Variants in MPP4 observed in about 807,000 individuals in gnomAD.
MPP4 encodes the protein MAGUK p55 scaffold protein 4.
Under a neutral mutation model 98.3 loss-of-function variants are expected in MPP4, and 91 were observed. The observed-to-expected ratio is 0.93, with a 90% confidence interval of 0.78 to 1.10. The LOEUF is 1.10. Among genes scored for constraint, MPP4 ranks in the 50% least tolerant of loss-of-function variants. MPP4 has a pLI of 0.00. For missense variants in MPP4, 744 were observed against 792.9 expected, an observed-to-expected ratio of 0.94 and a Z score of 0.74; for synonymous variants, 261 against 271.8, an observed-to-expected ratio of 0.96 and a Z score of 0.39.
chr2:201,668,950 C>A (rs1407258014), intron 12 of MPP4, among the ~76,000 whole-genome samples: 1 of 152,134 alleles, frequency 6.6e-6, no homozygotes, highest in Non-Finnish European at 1.5e-5. Context: ...CAGATTGGAG[C>A]CTTGTTCCCA....
chr2:201,683,532 T>G (rs1372418703), intron 7 of MPP4, among the ~76,000 whole-genome samples: 1 of 152,134 alleles, frequency 6.6e-6, no homozygotes, highest in Non-Finnish European at 1.5e-5. Context: ...GTGGACCACT[T>G]GAGGCCAGAA....
In MPP4 at chr2:201,665,350, A is replaced by G. The variant is rs372314311; in HGVS notation, c.1051+984T>C. Reference sequence around the variant, plus strand: ...CTCCCAAAGTGCTGGGATTACAGGCATGAGCCACCACGCCCGGCCACATCA... The same window carrying G: ...CTCCCAAAGTGCTGGGATTACAGGCGTGAGCCACCACGCCCGGCCACATCA... On this transcript the variant is annotated intron_variant, in intron 13 of 21. Coordinates refer to ENST00000409474, the MANE Select transcript of MPP4 (RefSeq NM_033066.3). The G allele has an allele frequency of 6.1e-3, 927 of 152,322 alleles. 6 individuals are homozygous for G. The highest frequency in any genetic ancestry group is 8.8e-3 in the Non-Finnish European group (599 of 68,124). 9.4% of individuals were successfully genotyped at this position (152,322 alleles called of 1,614,324 possible). A position where few individuals can be genotyped will look rare whatever the true frequency, so the allele number is the denominator to read the frequency against.
rs756651769 is a variant in MPP4, at chr2:201,645,402, A to G, written c.1722T>C (p.Asp574=). ...AATTTTCCATCTCTTGTAGGTCTTC[A>G]TCCTTTAGGAGAAATAGAAAAATAT... ...TDYYVDMKFK[D]EDLQEMENLA... The change falls in exon 22 of 22, where the codon GAT becomes GAC. Residue 574 remains aspartate (D), a splice_region_variant and synonymous_variant. Transcript: ENST00000409474. 8 of 1,613,598 alleles carry G rather than the reference A, an allele frequency of 5.0e-6. No homozygotes were observed. The African/African-American group carries it at 9.3e-5, about 19-fold the overall frequency.
chr2:201,665,220 C>T (rs1488967840), intron 13 of MPP4: 3 of 152,330 alleles, frequency 2.0e-5, no homozygotes, highest in Non-Finnish European at 4.4e-5. Flanking sequence ...CGCCCGCCAC[C>T]ACGCCTGGCT....
At chr2:201,663,427 ATT>A (rs952446181) in intron 14 of MPP4, among the ~76,000 whole-genome samples, 2 of 152,308 alleles carry the variant, frequency 1.3e-5, no homozygotes, top group African/African-American at 4.8e-5. Context: ...CTGTTGCTGT[ATT>A]TTTTAAAATA....
chr2:201,682,855 G>C lies in MPP4; in HGVS notation c.636C>G (p.Asp212Glu), dbSNP rs1574630381. Reference sequence around the variant, plus strand: ...CCAGAATATGGATCACTTGTTCAGGGTCCAGTCCCTCAACTGAAACTCCAT... The same window carrying C: ...CCAGAATATGGATCACTTGTTCAGGCTCCAGTCCCTCAACTGAAACTCCAT... The part of the protein sequence containing the change: ...EVNGVSVEGL[D>E]PEQVIHILAM... The change falls in exon 8 of 22, where the codon GAC becomes GAG. Residue 212 changes from aspartate to glutamate, a missense_variant. Transcript: ENST00000409474. 2 of 1,613,906 alleles carry C rather than the reference G, an allele frequency of 1.2e-6. No individual in the cohort carries two copies. Among genetic ancestry groups the C allele is most frequent in the East Asian group, 4.5e-5 (2 of 44,882 alleles).
At chr2:201,674,176 T>C (rs890124602) in intron 11 of MPP4, among the ~76,000 whole-genome samples, 2 of 152,232 alleles carry the variant, frequency 1.3e-5, no homozygotes, top group Admixed American at 1.3e-4. Context: ...GTCCTCTAAG[T>C]TGATAGAACC....
chr2:201,687,392 C>T (rs1024262801), intron 4 of MPP4, 21 bp from the exon 5 acceptor site: 1 of 1,547,956 alleles, frequency 6.5e-7, no homozygotes. Context: ...GAAAAGGATA[C>T]ATTATAAAAA....
chr2:201,677,542 A>C (rs77978392), intron 10 of MPP4, among the ~76,000 whole-genome samples: 4,739 of 151,770 alleles, frequency 0.031, 113 homozygotes, highest in Middle Eastern at 0.051. Flanking sequence ...CCAAAACAAA[A>C]CCCCCCCAGC....
At chr2:201,673,164 ACACCCC>A (rs1688392157) in intron 11 of MPP4, among the ~76,000 whole-genome samples, 1 of 152,200 alleles carries the variant, frequency 6.6e-6, no homozygotes, top group Non-Finnish European at 1.5e-5. Context: ...ATAAAATTCA[ACACCCC>A]CTCATGCTAA....
chr2:201,675,927 G>C (rs1214399023), intron 10 of MPP4, among the ~76,000 whole-genome samples: 2 of 152,184 alleles, frequency 1.3e-5, no homozygotes, highest in Non-Finnish European at 2.9e-5. Context: ...TCTGTTCTTT[G>C]TATTCCCAGA....
intron 5 of MPP4, 60 bp from the exon 6 acceptor site, chr2:201,686,110 G>T: frequency 6.3e-7 from 1 of 1,583,876 alleles, no homozygotes; most frequent in Non-Finnish European, 8.6e-7. Flanking sequence ...CCCTCTAGAA[G>T]ATAGTAACTC....
chr2:201,673,756 TA>T lies in MPP4; in HGVS notation c.994+1450del, dbSNP rs1193130879. Among the ~76,000 whole-genome samples, 14 of 152,236 alleles carry T rather than the reference TA, an allele frequency of 9.2e-5. No homozygotes were observed. In the East Asian group the frequency reaches 1.9e-3, roughly 21 times the overall value. Reference sequence around the variant, plus strand: ...TCCTCACATCTTTTCAATAAGAAAATAAAAGGAAAAGTAATTTTTGGCTTGG... The same window carrying T: ...TCCTCACATCTTTTCAATAAGAAAATAAAGGAAAAGTAATTTTTGGCTTGG... On this transcript the variant is annotated intron_variant, in intron 11 of 21. Coordinates refer to ENST00000409474, the MANE Select transcript of MPP4 (RefSeq NM_033066.3).
chr2:201,682,821 G>A lies in MPP4; in HGVS notation c.660+10C>T. 1 of 1,612,878 alleles carries A rather than the reference G, an allele frequency of 6.2e-7. No homozygotes were observed. The highest frequency in any genetic ancestry group is 8.5e-7 in the Non-Finnish European group (1 of 1,179,012). Reference sequence around the variant, plus strand: ...CAAGTCATTAACAAAAAGGCAAAAAGAAGATTTACCAGAATATGGATCACT... The same window carrying A: ...CAAGTCATTAACAAAAAGGCAAAAAAAAGATTTACCAGAATATGGATCACT... On this transcript the variant is annotated intron_variant, in intron 8 of 21. Coordinates refer to ENST00000409474, the MANE Select transcript of MPP4 (RefSeq NM_033066.3).
intron 14 of MPP4, chr2:201,661,918 G>T (rs1258935139): frequency 3.0e-6 from 1 of 333,126 alleles, no homozygotes; most frequent in Admixed American, 4.0e-5. Context: ...AGAAGGATGA[G>T]AATAAGCTAG....
intron 14 of MPP4, chr2:201,661,393 G>A (rs769551437): frequency 2.2e-6 from 1 of 456,396 alleles, no homozygotes; most frequent in Admixed American, 2.3e-5. Flanking sequence ...ATCATGGAAT[G>A]AATGCCAAGG....
Position 201,694,014 on chromosome 2 carries a change from C to T in MPP4, c.-60G>A, listed in dbSNP as rs371620612. ...CTAGGAAGCGGGTCAATACACGGCA[C>T]ACAGCTCACTCAGTCCCACTGGCCA... On this transcript the variant is annotated 5_prime_UTR_variant, in exon 2 of 22. The change creates a new upstream start codon in the 5' untranslated region. Coordinates refer to ENST00000409474, the MANE Select transcript of MPP4 (RefSeq NM_033066.3). The T allele has an allele frequency of 1.9e-4, 308 of 1,613,344 alleles. 1 individual carries two copies. The highest frequency in any genetic ancestry group is 3.8e-4 in the Admixed American group (23 of 60,000).
intron 11 of MPP4, among the ~76,000 whole-genome samples, chr2:201,671,675 G>A (rs998640399): frequency 1.3e-5 from 2 of 152,130 alleles, no homozygotes; most frequent in African/African-American, 4.8e-5. Flanking sequence ...AAGTGGTAAA[G>A]GGATCAACAC....
At chr2:201,696,848 A>G (rs888012) in intron 1 of MPP4, among the ~76,000 whole-genome samples, 94,508 of 152,062 alleles carry the variant, frequency 0.62, 30,440 homozygotes, top group Non-Finnish European at 0.72. Flanking sequence ...GGCAAAAACA[A>G]TAATTACAGT....
Sources: gnomAD v4.1 joint callset for allele counts (sites outside exome capture counted in the v4.1 genomes callset) on GRCh38, gnomAD v4.1.1 for gene constraint, MANE v1.5 for transcripts, NCBI Gene and HGNC (gene_info 2026-07-23, HGNC 2026-07-21) for gene names.